NCOA7: variants seen among roughly 807,000 people sequenced by gnomAD.
NCOA7 encodes the protein nuclear receptor coactivator 7, also known as 140 kDa estrogen receptor-associated protein.
NCOA7 carries 45 observed loss-of-function variants against 104.3 expected under a neutral mutation model. That is an observed-to-expected ratio of 0.43 (90% CI 0.34 to 0.55). The LOEUF is 0.55. Among genes scored for constraint, NCOA7 ranks in the 20% least tolerant of loss-of-function variants. NCOA7 has a pLI of 0.02. For synonymous variants in NCOA7, 398 were observed against 402.3 expected (o/e 0.99, Z 0.13); for missense variants, 1,041 against 1,119.7 (o/e 0.93, Z 1.00).
chr6:125,905,781 T>A (rs1368421746), intron 10 of NCOA7, among the ~76,000 whole-genome samples: 5 of 152,082 alleles, frequency 3.3e-5, no homozygotes, highest in South Asian at 2.1e-4. Context: ...AACCCTTTTT[T>A]AAAATTATTT....
intron 2 of NCOA7, among the ~76,000 whole-genome samples, chr6:125,834,534 C>G (rs1191051003): frequency 6.6e-6 from 1 of 152,222 alleles, no homozygotes; most frequent in Non-Finnish European, 1.5e-5. Context: ...ACCAGACTCT[C>G]AGCTGCTGCA....
Position 125,889,634 on chromosome 6 carries a change from T to A in NCOA7, c.1580T>A (p.Leu527Gln). The change falls in exon 9 of 16, where the codon CTG (leucine) becomes CAG (glutamine). Residue 527 changes from leucine to glutamine, a missense_variant. Leu to Gln is a moderately radical substitution (Grantham distance 113). Transcript: ENST00000392477. The stretch of plus-strand genomic sequence containing the variant: ...AAAGTTAAACTCATTGAATATTACC[T>A]GACTAAGAACAAAGAAGGGCCACAG... ...LDKVKLIEYYLTKNKEGPQVS... is the reference protein window; with the variant it reads ...LDKVKLIEYYQTKNKEGPQVS... The A allele has an allele frequency of 6.2e-7, 1 of 1,613,860 alleles. No individual in the cohort carries two copies. The highest frequency in any genetic ancestry group is 8.5e-7 in the Non-Finnish European group (1 of 1,179,974).
At chr6:125,795,406 T>C (rs1352855740) in intron 1 of NCOA7, among the ~76,000 whole-genome samples, 1 of 152,192 alleles carries the variant, frequency 6.6e-6, no homozygotes, top group African/African-American at 2.4e-5. Context: ...GTGAAAGTAC[T>C]CCCTCTCATC....
At chr6:125,895,056 C>G (rs866687921) in intron 10 of NCOA7, among the ~76,000 whole-genome samples, 1 of 151,976 alleles carries the variant, frequency 6.6e-6, no homozygotes, top group Non-Finnish European at 1.5e-5. Flanking sequence ...GTCTTTTTCC[C>G]CCCTTCCCTT....
rs532083129 is a variant in NCOA7, at chr6:125,863,640, G to C, written c.271+8400G>C. Among the ~76,000 whole-genome samples the C allele has an allele frequency of 1.2e-4, 17 of 137,972 alleles. 1 individual carries two copies. The South Asian group carries it at 3.7e-3, about 30-fold the overall frequency. 90.5% of individuals were successfully genotyped at this position (137,972 alleles called of 152,430 possible). On this transcript the variant is annotated intron_variant, in intron 3 of 15. Coordinates refer to ENST00000392477, the MANE Select transcript of NCOA7 (RefSeq NM_181782.5). ...AATACTCTAATTCTGTCTTCGGCCTGCTCGATCCACAAAATACCATATAAC... is the reference window on the plus strand; with the variant it reads ...AATACTCTAATTCTGTCTTCGGCCTCCTCGATCCACAAAATACCATATAAC...
At chr6:125,840,217 A>G (rs1373695368) in intron 2 of NCOA7, among the ~76,000 whole-genome samples, 1 of 152,118 alleles carries the variant, frequency 6.6e-6, no homozygotes. Flanking sequence ...TTAGAAATAG[A>G]AAAAAGCTTA....
At chr6:125,921,966 A>C (rs1489356222) in intron 12 of NCOA7, among the ~76,000 whole-genome samples, 1 of 152,192 alleles carries the variant, frequency 6.6e-6, no homozygotes, top group East Asian at 1.9e-4. Flanking sequence ...AGAGACCTTA[A>C]ATAATCATTA....
intron 1 of NCOA7, among the ~76,000 whole-genome samples, chr6:125,801,628 T>C (rs952671951): frequency 6.6e-6 from 1 of 152,212 alleles, no homozygotes; most frequent in Non-Finnish European, 1.5e-5. Context: ...CTGAAACTGG[T>C]AGAAGAATCC....
intron 2 of NCOA7, among the ~76,000 whole-genome samples, chr6:125,845,224 G>C (rs922344440): frequency 6.6e-6 from 1 of 152,080 alleles, no homozygotes; most frequent in African/African-American, 2.4e-5. Flanking sequence ...GCCAAGAAAA[G>C]AACCAAGAGA....
chr6:125,899,496 C>T (rs756195110), intron 10 of NCOA7, among the ~76,000 whole-genome samples: 6 of 152,054 alleles, frequency 3.9e-5, no homozygotes, highest in Admixed American at 6.5e-5. Context: ...CCCTGTGATT[C>T]GTAAGTACCA....
chr6:125,889,618 C>A lies in NCOA7; in HGVS notation c.1564C>A (p.Leu522Ile). 6.2e-7 allele frequency: 1 copy of A among 1,613,818 alleles called. No homozygotes were observed. Among genetic ancestry groups the A allele is most frequent in the Admixed American group, 1.7e-5 (1 of 59,970 alleles). ...NIHEDLDKVK[L>I]IEYYLTKNKE... The stretch of plus-strand genomic sequence containing the variant: ...ACATGAAGATTTAGATAAAGTTAAA[C>A]TCATTGAATATTACCTGACTAAGAA... Residue 522 changes from leucine to isoleucine, a missense_variant, in exon 9 of 16, where the codon CTC becomes ATC. Physicochemically the swap from Leu to Ile is conservative, Grantham distance 5 (BLOSUM62 2). Coordinates refer to ENST00000392477, the MANE Select transcript of NCOA7 (RefSeq NM_181782.5).
intron 9 of NCOA7, 139 bp from the exon 10 acceptor site, chr6:125,890,503 A>G (rs1045622159): frequency 2.5e-6 from 2 of 786,102 alleles, no homozygotes; most frequent in Non-Finnish European, 3.7e-6. Flanking sequence ...AAAATTTATT[A>G]GTCCTGATAC....
At chr6:125,836,032 C>T (rs682035) in intron 2 of NCOA7, among the ~76,000 whole-genome samples, 115,070 of 152,036 alleles carry the variant, frequency 0.76, 44,138 homozygotes, top group South Asian at 0.87. Context: ...CTATGATTTA[C>T]GCTTCTTGGA....
intron 10 of NCOA7, among the ~76,000 whole-genome samples, chr6:125,898,680 C>G (rs9491530): frequency 0.22 from 32,962 of 152,126 alleles, 5,114 homozygotes; most frequent in African/African-American, 0.45. Flanking sequence ...CTTCAGGACT[C>G]ATGTCTAAAC....
chr6:125,858,615 G>C (rs1781790773), intron 3 of NCOA7, among the ~76,000 whole-genome samples: 2 of 150,218 alleles, frequency 1.3e-5, no homozygotes, highest in African/African-American at 2.5e-5. Context: ...GACAGAGCGA[G>C]ACACTGTCTC....
At chr6:125,837,971 T>C (rs144601151) in intron 2 of NCOA7, among the ~76,000 whole-genome samples, 12 of 152,308 alleles carry the variant, frequency 7.9e-5, no homozygotes, top group East Asian at 1.9e-4. Flanking sequence ...TTTCTTCCTC[T>C]TAATGAGTAG....
At chr6:125,881,400 G>C (rs1275206025) in intron 6 of NCOA7, among the ~76,000 whole-genome samples, 197 bp downstream of exon 6, 1 of 152,144 alleles carries the variant, frequency 6.6e-6, no homozygotes, top group Non-Finnish European at 1.5e-5. Flanking sequence ...GCCAGACACA[G>C]TGGCTCAGCC....
At chr6:125,902,937 A>G (rs1301880630) in intron 10 of NCOA7, among the ~76,000 whole-genome samples, 3 of 152,194 alleles carry the variant, frequency 2.0e-5, no homozygotes, top group Admixed American at 6.5e-5. Flanking sequence ...TAGCATGCCC[A>G]TGTATTAAAT....
intron 2 of NCOA7, among the ~76,000 whole-genome samples, chr6:125,824,632 C>A (rs1030098319): frequency 6.6e-6 from 1 of 152,052 alleles, no homozygotes; most frequent in African/African-American, 2.4e-5. Flanking sequence ...GTTTATAAAT[C>A]CCCTAAAACT....
Sources: allele counts gnomAD v4.1 joint callset (sites outside exome capture counted in the v4.1 genomes callset), GRCh38; gene constraint gnomAD v4.1.1; transcripts MANE v1.5; gene names NCBI Gene and HGNC (gene_info 2026-07-23, HGNC 2026-07-21).